ROBO1: variants seen among roughly 807,000 people sequenced by gnomAD.
The protein encoded by ROBO1 is roundabout guidance receptor 1.
ROBO1 carries 149 observed loss-of-function variants against 195.9 expected under a neutral mutation model. The observed-to-expected ratio is 0.76, with a 90% CI of 0.67 to 0.87. ROBO1 has a LOEUF of 0.87. ROBO1 is among the 40% of genes least tolerant of loss of function. The pLI is 0.00. For missense variants in ROBO1, 1,933 were observed against 2,068.3 expected (o/e 0.93, Z 1.27); for synonymous variants, 816 against 733.2 (o/e 1.11, Z -1.82).
At chr3:79,746,873 G>A (rs1367093179) in intron 1 of ROBO1, among the ~76,000 whole-genome samples, 2 of 151,898 alleles carry the variant, frequency 1.3e-5, no homozygotes, top group African/African-American at 2.4e-5. Context: ...AAAGAATCAT[G>A]GATTAAAGTA....
chr3:79,532,964 T>C (rs1248044930), intron 2 of ROBO1: 3 of 296,852 alleles, frequency 1.0e-5, no homozygotes, highest in South Asian at 2.9e-5. Context: ...TTATATGTAA[T>C]AGTTAAATTA....
chr3:78,799,588 A>G lies in ROBO1; in HGVS notation c.500-52688T>C, dbSNP rs536326910. 2.6e-3 allele frequency among the ~76,000 whole-genome samples: 390 copies of G among 150,064 alleles called. 1 individual carries two copies. Among genetic ancestry groups the G allele is most frequent in the African/African-American group, 7.9e-3 (323 of 40,900 alleles). ...GATCTCCTGACCTCGTGATCCACCC[A>G]CCTTGGCCTCCCAAAGTGCTGGGAT... On this transcript the variant is annotated intron_variant, in intron 4 of 30. Coordinates refer to ENST00000464233, the MANE Select transcript of ROBO1 (RefSeq NM_002941.4).
At chr3:79,679,947 T>C (rs899124139) in intron 1 of ROBO1, among the ~76,000 whole-genome samples, 1 of 151,974 alleles carries the variant, frequency 6.6e-6, no homozygotes, top group Admixed American at 6.6e-5. Flanking sequence ...GCACGTCACA[T>C]GTCATGTTGG....
At chr3:79,730,756 T>A (rs12487787) in intron 1 of ROBO1, among the ~76,000 whole-genome samples, 42,175 of 146,908 alleles carry the variant, frequency 0.29, 7,313 homozygotes, top group East Asian at 0.56. Flanking sequence ...AAATGTCTGT[T>A]TCCTGTATTT....
chr3:79,502,162 G>A (rs1390019359), intron 2 of ROBO1, among the ~76,000 whole-genome samples: 1 of 152,210 alleles, frequency 6.6e-6, no homozygotes, highest in East Asian at 1.9e-4. Flanking sequence ...GGCCGCGCTT[G>A]AGGAACCCTT....
intron 3 of ROBO1, among the ~76,000 whole-genome samples, chr3:78,962,517 C>A (rs2041409403): frequency 6.6e-6 from 1 of 152,022 alleles, no homozygotes; most frequent in Non-Finnish European, 1.5e-5. Flanking sequence ...AACACTCCTC[C>A]GCCTTGTCAT....
chr3:79,062,783 G>A (rs1030255692), intron 3 of ROBO1, among the ~76,000 whole-genome samples: 2 of 152,022 alleles, frequency 1.3e-5, no homozygotes, highest in Non-Finnish European at 2.9e-5. Flanking sequence ...ATTGAACAAT[G>A]AGAACACATG....
intron 2 of ROBO1, among the ~76,000 whole-genome samples, chr3:79,527,233 A>T (rs974918001): frequency 6.6e-6 from 1 of 152,074 alleles, no homozygotes; most frequent in Non-Finnish European, 1.5e-5. Flanking sequence ...TCAATGTAAG[A>T]TTTACTTTTC....
chr3:78,782,372 T>A (rs2083704052), intron 4 of ROBO1, among the ~76,000 whole-genome samples: 1 of 151,972 alleles, frequency 6.6e-6, no homozygotes, highest in Admixed American at 6.6e-5. Flanking sequence ...AATTTTTGTA[T>A]TTTTAGTAGA....
At chr3:79,648,511 G>A (rs1436903579) in intron 1 of ROBO1, among the ~76,000 whole-genome samples, 1 of 151,956 alleles carries the variant, frequency 6.6e-6, no homozygotes, top group African/African-American at 2.4e-5. Context: ...CAAACCACAC[G>A]CATTTCAGGT....
In ROBO1 at chr3:79,510,512, T is replaced by G. The variant is rs186774047; in HGVS notation, c.88+79312A>C. On this transcript the variant is annotated intron_variant, in intron 2 of 30. Coordinates refer to ENST00000464233, the MANE Select transcript of ROBO1 (RefSeq NM_002941.4). Reference sequence around the variant, plus strand: ...ACATCCTTGCAATCCACACCAGATTTTCATGTTGGAGTACATGGTTATTTT... The same window carrying G: ...ACATCCTTGCAATCCACACCAGATTGTCATGTTGGAGTACATGGTTATTTT... 2.0e-3 allele frequency among the ~76,000 whole-genome samples: 309 copies of G among 152,210 alleles called. 2 individuals carry two copies. Among genetic ancestry groups the G allele is most frequent in the African/African-American group, 6.2e-3 (256 of 41,524 alleles).
Position 79,603,393 on chromosome 3 carries a change from C to A in ROBO1, c.-50-13432G>T, listed in dbSNP as rs111533178. 3.9e-3 allele frequency among the ~76,000 whole-genome samples: 598 copies of A among 152,064 alleles called. 7 individuals are homozygous for A. Among genetic ancestry groups the A allele is most frequent in the African/African-American group, 0.013 (529 of 41,530 alleles). ...CACCCTCTTGACACAACAATACCCC[C>A]CACAGCCCTTGAACTTCTGGCTGTT... On this transcript the variant is annotated intron_variant, in intron 1 of 30. Coordinates refer to ENST00000464233, the MANE Select transcript of ROBO1 (RefSeq NM_002941.4).
chr3:79,371,610 T>C (rs563398959), intron 2 of ROBO1, among the ~76,000 whole-genome samples: 44 of 152,082 alleles, frequency 2.9e-4, no homozygotes, highest in Middle Eastern at 3.2e-3. Flanking sequence ...AAAATGGTTC[T>C]TGAAGGAATA....
chr3:79,719,834 G>T (rs1702628770), intron 1 of ROBO1, among the ~76,000 whole-genome samples: 2 of 152,034 alleles, frequency 1.3e-5, no homozygotes, highest in South Asian at 4.2e-4. Flanking sequence ...AATGAATTTG[G>T]TATGAGCTTT....
intron 1 of ROBO1, among the ~76,000 whole-genome samples, chr3:79,747,858 C>A (rs746997456): frequency 1.3e-5 from 2 of 151,612 alleles, no homozygotes; most frequent in Non-Finnish European, 2.9e-5. Flanking sequence ...GATAAATGAT[C>A]AAATAACACC....
At chr3:78,826,294 T>C (rs2031594012) in intron 4 of ROBO1, among the ~76,000 whole-genome samples, 1 of 152,186 alleles carries the variant, frequency 6.6e-6, no homozygotes, top group African/African-American at 2.4e-5. Context: ...TACTGGCACA[T>C]TATTGCTTAA....
intron 4 of ROBO1, among the ~76,000 whole-genome samples, chr3:78,776,595 C>G (rs2083514315): frequency 6.6e-6 from 1 of 152,146 alleles, no homozygotes; most frequent in African/African-American, 2.4e-5. Context: ...CTTTAGTGGC[C>G]TTCGATATGA....
At chr3:79,176,417 T>G (rs2081262573) in intron 2 of ROBO1, among the ~76,000 whole-genome samples, 1 of 152,200 alleles carries the variant, frequency 6.6e-6, no homozygotes, top group South Asian at 2.1e-4. Context: ...TACAATTATT[T>G]ATTTAAAATA....
intron 3 of ROBO1, among the ~76,000 whole-genome samples, chr3:79,016,438 A>C (rs185238414): frequency 5.9e-4 from 90 of 152,274 alleles, no homozygotes; most frequent in African/African-American, 2.1e-3. Context: ...GAAACAGAAA[A>C]ACTAGAAATT....
Sources: allele counts gnomAD v4.1 joint callset (sites outside exome capture counted in the v4.1 genomes callset), GRCh38; gene constraint gnomAD v4.1.1; transcripts MANE v1.5; gene names NCBI Gene and HGNC (gene_info 2026-07-23, HGNC 2026-07-21).